Variants in UNC5D observed in about 807,000 individuals in gnomAD.
UNC5D encodes netrin receptor UNC5D.
In UNC5D, 39 loss-of-function variants were observed where a neutral mutation model predicts 105.4. That is an observed-to-expected ratio of 0.37 (90% confidence interval 0.29 to 0.48). The LOEUF is 0.48. UNC5D is among the 20% of genes least tolerant of loss of function. The pLI is 0.98. For synonymous variants in UNC5D, 452 were observed against 450.4 expected, an observed-to-expected ratio of 1.00 and a Z score of -0.04; for missense variants, 991 against 1,202.4, an observed-to-expected ratio of 0.82 and a Z score of 2.60.
chr8:35,681,197 G>A (rs1943442120), intron 4 of UNC5D, among the ~76,000 whole-genome samples: 1 of 152,162 alleles, frequency 6.6e-6, no homozygotes, highest in Admixed American at 6.5e-5. Flanking sequence ...GCAGGGCAGG[G>A]TCTTAGTCCA....
intron 1 of UNC5D, among the ~76,000 whole-genome samples, chr8:35,503,402 C>T (rs540005492): frequency 2.6e-4 from 40 of 152,300 alleles, no homozygotes; most frequent in African/African-American, 9.6e-4. Flanking sequence ...CATCAGATCT[C>T]CTGAGACTTA....
chr8:35,603,976 A>T (rs1019186608), intron 4 of UNC5D, among the ~76,000 whole-genome samples: 8 of 152,108 alleles, frequency 5.3e-5, no homozygotes, highest in Admixed American at 3.9e-4. Context: ...CAGCACACTG[A>T]TGGGTCTTGA....
intron 1 of UNC5D, among the ~76,000 whole-genome samples, chr8:35,271,338 T>TGTGTATGTATATGAATACACACGTGCAC (rs1563267165): frequency 1.2e-5 from 1 of 80,340 alleles, no homozygotes; most frequent in Admixed American, 1.3e-4. Context: ...CACACGTGCA[T>TGTGTATGTATATGAATACACACGTGCAC]GTGTGTATGT....
intron 1 of UNC5D, among the ~76,000 whole-genome samples, chr8:35,538,003 A>C (rs1320249471): frequency 2.0e-5 from 3 of 152,164 alleles, no homozygotes; most frequent in African/African-American, 7.2e-5. Context: ...GATATACATG[A>C]TATCCATGAA....
At chr8:35,295,425 T>G (rs960874339) in intron 1 of UNC5D, among the ~76,000 whole-genome samples, 7 of 152,216 alleles carry the variant, frequency 4.6e-5, no homozygotes, top group Non-Finnish European at 1.0e-4. Context: ...TCCAACATAT[T>G]TTTTGAAAAA....
At chr8:35,362,483 A>G (rs1801909602) in intron 1 of UNC5D, among the ~76,000 whole-genome samples, 2 of 152,154 alleles carry the variant, frequency 1.3e-5, no homozygotes, top group Non-Finnish European at 2.9e-5. Flanking sequence ...GCTGTGTCTC[A>G]CCAGGGGCAA....
At chr8:35,624,796 T>C (rs1821601533) in intron 4 of UNC5D, among the ~76,000 whole-genome samples, 2 of 152,130 alleles carry the variant, frequency 1.3e-5, no homozygotes, top group African/African-American at 4.8e-5. Context: ...ATCCACAGCA[T>C]CTCTCTAAAT....
chr8:35,248,782 T>C (rs1160970155), intron 1 of UNC5D, among the ~76,000 whole-genome samples: 31 of 98,578 alleles, frequency 3.1e-4, no homozygotes, highest in African/African-American at 1.3e-3. Context: ...TATAAATATA[T>C]AAAATATAAT....
rs547858877 is a variant in UNC5D, at chr8:35,633,015, A to T, written c.570+37358A>T. On this transcript the variant is annotated intron_variant, in intron 4 of 16. Transcript: ENST00000404895. ...ACAGAAGAGAAGTCAGTTGTCAGGG[A>T]CCAACTTGCACTCCAATAGTCTATG... Among the ~76,000 whole-genome samples, 45 of 152,272 alleles carry T rather than the reference A, an allele frequency of 3.0e-4. No homozygotes were observed. The South Asian group carries it at 8.1e-3, about 27-fold the overall frequency.
At chr8:35,689,455 C>T (rs1211026070) in intron 7 of UNC5D, among the ~76,000 whole-genome samples, 2 of 152,096 alleles carry the variant, frequency 1.3e-5, no homozygotes, top group African/African-American at 2.4e-5. Context: ...AGGATATGCA[C>T]ACACATAGAG....
At chr8:35,761,220 T>C (rs774500238) in intron 14 of UNC5D, among the ~76,000 whole-genome samples, 1 of 152,222 alleles carries the variant, frequency 6.6e-6, no homozygotes, top group Non-Finnish European at 1.5e-5. Flanking sequence ...CAAGTCCTGA[T>C]AGTCATGCAA....
chr8:35,402,894 T>C (rs1804563148), intron 1 of UNC5D, among the ~76,000 whole-genome samples: 1 of 152,156 alleles, frequency 6.6e-6, no homozygotes. Context: ...CTCTCCATAT[T>C]CGTGCCTACC....
At chr8:35,237,056 A>G (rs887721148) in intron 1 of UNC5D, among the ~76,000 whole-genome samples, 4 of 152,102 alleles carry the variant, frequency 2.6e-5, no homozygotes, top group African/African-American at 7.2e-5. Context: ...TCATTTTTAT[A>G]AAAGCTTATG....
chr8:35,657,135 T>C (rs1263265621), intron 4 of UNC5D, among the ~76,000 whole-genome samples: 1 of 138,430 alleles, frequency 7.2e-6, no homozygotes, highest in African/African-American at 2.7e-5. Context: ...CCAGTTGCTT[T>C]TTCATGACCA....
At chr8:35,565,037 G>A (rs892277809) in intron 2 of UNC5D, among the ~76,000 whole-genome samples, 56 of 152,130 alleles carry the variant, frequency 3.7e-4, no homozygotes, top group African/African-American at 1.2e-3. Context: ...ATTATGAATT[G>A]TAGTACAATA....
chr8:35,381,237 C>G (rs1803025973), intron 1 of UNC5D, among the ~76,000 whole-genome samples: 1 of 151,994 alleles, frequency 6.6e-6, no homozygotes, highest in Non-Finnish European at 1.5e-5. Flanking sequence ...CTGTGTAGGT[C>G]GACTGGGATG....
intron 1 of UNC5D, among the ~76,000 whole-genome samples, chr8:35,506,471 A>G (rs1424962440): frequency 6.6e-6 from 1 of 152,176 alleles, no homozygotes; most frequent in African/African-American, 2.4e-5. Flanking sequence ...GCTCCCTTTA[A>G]AAGGAGGAAG....
At chr8:35,722,728 T>C (rs2131539297) in intron 9 of UNC5D, among the ~76,000 whole-genome samples, 1 of 152,364 alleles carries the variant, frequency 6.6e-6, no homozygotes, top group South Asian at 2.1e-4. Flanking sequence ...TTAATTTAGT[T>C]AACCAAAGTA....
In UNC5D at chr8:35,390,043, A is replaced by T. The variant is rs989704361; in HGVS notation, c.103+154156A>T. On this transcript the variant is annotated intron_variant, in intron 1 of 16. Transcript: ENST00000404895. ...GGTGTACAGGAAACCTGATGCTGGCATCAGCTCAGCTTCTGGGGAGGCCTC... is the reference window on the plus strand; with the variant it reads ...GGTGTACAGGAAACCTGATGCTGGCTTCAGCTCAGCTTCTGGGGAGGCCTC... Among the ~76,000 whole-genome samples, 6 of 152,230 alleles carry T rather than the reference A, an allele frequency of 3.9e-5. No individual in the cohort carries two copies. In the East Asian group the frequency reaches 1.2e-3, roughly 29 times the overall value.
Sources: gnomAD v4.1 joint callset for allele counts (sites outside exome capture counted in the v4.1 genomes callset) on GRCh38, gnomAD v4.1.1 for gene constraint, MANE v1.5 for transcripts, NCBI Gene and HGNC (gene_info 2026-07-23, HGNC 2026-07-21) for gene names.